CHM: variants seen among roughly 807,000 people sequenced by gnomAD.
CHM encodes CHM Rab escort protein.
Under a neutral mutation model 49.0 loss-of-function variants are expected in CHM, and 10 were observed. That is an observed-to-expected ratio of 0.20 (90% CI 0.13 to 0.35). The LOEUF (loss-of-function observed/expected upper bound fraction) is 0.35, where lower values mean the gene tolerates loss of function less well. CHM is among the 10% of genes least tolerant of loss of function. CHM has a pLI of 1.00. For synonymous variants in CHM, 184 were observed against 167.5 expected (o/e 1.10, Z -0.76); for missense variants, 455 against 478.4 (o/e 0.95, Z 0.46).
chrX:85,909,153 C>T (rs1299638363), intron 9 of CHM, among the ~76,000 whole-genome samples: 12 of 111,511 alleles, frequency 1.1e-4, no homozygotes, highest in Non-Finnish European at 1.7e-4. Context: ...GGCTACACAA[C>T]CTTTACTCAT....
intron 12 of CHM, among the ~76,000 whole-genome samples, chrX:85,893,553 G>T (rs1296814595): frequency 9.0e-6 from 1 of 111,514 alleles, no homozygotes; most frequent in Non-Finnish European, 1.9e-5. Context: ...ACCTCAAGTA[G>T]ACCCACAATG....
chrX:85,864,701 T>C lies in CHM; in HGVS notation c.1891A>G (p.Ile631Val), dbSNP rs747076012. ...LQPEASESSA[I>V]PEANSETFKE... The stretch of plus-strand genomic sequence containing the variant: ...AAAGTCTCCGAGTTAGCCTCTGGTA[T>C]GGCACTGGATTCTGAAGCCTCTGGC... The change falls in exon 15 of 15, where the codon ATA becomes GTA. Residue 631 changes from isoleucine (I) to valine (V), a missense_variant. Ile to Val is a conservative substitution (Grantham distance 29). Coordinates refer to ENST00000357749, the MANE Select transcript of CHM (RefSeq NM_000390.4). 3.3e-6 allele frequency: 4 copies of C among 1,209,708 alleles called. No individual in the cohort carries two copies. The highest frequency in any genetic ancestry group is 1.8e-5 in the South Asian group (1 of 56,620).
intron 4 of CHM, among the ~76,000 whole-genome samples, chrX:85,973,224 G>A (rs1197907728): frequency 4.1e-5 from 4 of 97,563 alleles, no homozygotes; most frequent in Non-Finnish European, 6.1e-5. Context: ...ACCTGAACCC[G>A]GGAGGCAGAG....
chrX:85,913,540 C>T (rs1927256825), intron 8 of CHM, among the ~76,000 whole-genome samples: 1 of 109,275 alleles, frequency 9.2e-6, no homozygotes, highest in Non-Finnish European at 1.9e-5. Flanking sequence ...ATGCAGGCAG[C>T]TTCTATATGC....
intron 8 of CHM, among the ~76,000 whole-genome samples, chrX:85,932,751 T>C (rs1033522090): frequency 1.3e-4 from 14 of 111,662 alleles, no homozygotes; most frequent in African/African-American, 4.2e-4. Flanking sequence ...CTGTATATTC[T>C]AGGAAAGAAG....
intron 2 of CHM, among the ~76,000 whole-genome samples, chrX:85,983,799 A>T (rs1179186505): frequency 8.9e-6 from 1 of 111,965 alleles, no homozygotes. Flanking sequence ...AAAGCAATTA[A>T]AACTATTGAT....
At chrX:85,876,701 A>G (rs1924436745) in intron 13 of CHM, among the ~76,000 whole-genome samples, 1 of 111,786 alleles carries the variant, frequency 8.9e-6, no homozygotes. Context: ...CTAGCTTTTC[A>G]GTGCCTCAGT....
chrX:86,031,785 A>T (rs534965885), intron 1 of CHM, among the ~76,000 whole-genome samples: 1 of 112,092 alleles, frequency 8.9e-6, no homozygotes, highest in South Asian at 3.7e-4. Flanking sequence ...GGTTGCGGTG[A>T]GCCAAGATCG....
At position 85,864,309 on chromosome X, in the gene CHM, T is replaced by C; in HGVS notation, c.*321A>G. ...AGATCCAAAGTGGTAAGCAAAATTG[T>C]CCTAAGACCATGGAATTATTAACAA... On this transcript the variant is annotated 3_prime_UTR_variant, in exon 15 of 15. Transcript: ENST00000357749. 4.0e-6 allele frequency: 1 copy of C among 248,005 alleles called. No homozygotes were observed. Among genetic ancestry groups the C allele is most frequent in the Non-Finnish European group, 7.3e-6 (1 of 137,210 alleles). 20.4% of individuals were successfully genotyped at this position (248,005 alleles called of 1,213,427 possible).
At chrX:85,899,232 T>G (rs1159363178) in intron 11 of CHM, among the ~76,000 whole-genome samples, 3 of 111,090 alleles carry the variant, frequency 2.7e-5, no homozygotes, top group Non-Finnish European at 5.7e-5. Flanking sequence ...AGAGGCATAA[T>G]GACATTCCTC....
chrX:85,886,696 T>C (rs1007739158), intron 12 of CHM, among the ~76,000 whole-genome samples: 1 of 110,791 alleles, frequency 9.0e-6, no homozygotes. Context: ...CTTGCAACTA[T>C]TTGTGACGTC....
intron 12 of CHM, among the ~76,000 whole-genome samples, chrX:85,893,771 G>C (rs926926638): frequency 9.0e-6 from 1 of 111,222 alleles, no homozygotes; most frequent in Non-Finnish European, 1.9e-5. Context: ...GGACTTTCCA[G>C]CCTCTAGAAT....
chrX:85,978,853 T>C lies in CHM; in HGVS notation c.228A>G (p.Gln76=). The change falls in exon 4 of 15, where the codon CAA becomes CAG. Residue 76 remains glutamine, a synonymous_variant. Transcript: ENST00000357749. The stretch of plus-strand genomic sequence containing the variant: ...CTTCTTCATTTTCAAGGATCTGGTC[T>C]TGCCACACTGGACTGTCACTTACAA... ...SDIVSDSPVW[Q]DQILENEEAI... 8.3e-7 allele frequency: 1 copy of C among 1,207,679 alleles called. No individual in the cohort carries two copies. Among genetic ancestry groups the C allele is most frequent in the Non-Finnish European group, 1.1e-6 (1 of 892,183 alleles).
chrX:85,893,818 C>T (rs1479488925), intron 12 of CHM, among the ~76,000 whole-genome samples: 7 of 110,908 alleles, frequency 6.3e-5, no homozygotes, highest in Non-Finnish European at 1.3e-4. Flanking sequence ...TTATAAGTTA[C>T]CCAGTCTAAG....
At chrX:85,931,787 G>A (rs1441939942) in intron 8 of CHM, among the ~76,000 whole-genome samples, 1 of 111,833 alleles carries the variant, frequency 8.9e-6, no homozygotes, top group Non-Finnish European at 1.9e-5. Context: ...AGTCACATGT[G>A]AAAACGCATC....
intron 2 of CHM, among the ~76,000 whole-genome samples, chrX:86,019,053 T>C (rs994274062): frequency 1.4e-4 from 16 of 111,675 alleles, no homozygotes; most frequent in Admixed American, 6.7e-4. Flanking sequence ...AAGGTAACAG[T>C]AGCTGCTTCT....
rs756475175 is a variant in CHM at position 85,900,420 on chromosome X, G to A, written c.1413+226C>T. On this transcript the variant is annotated intron_variant, in intron 11 of 14. Coordinates refer to ENST00000357749, the MANE Select transcript of CHM (RefSeq NM_000390.4). Reference sequence around the variant, plus strand: ...ACTTTCAGTTACACAAAAAGAATAAGTTTTAGAGATCTAATGTACAGTACA... The same window carrying A: ...ACTTTCAGTTACACAAAAAGAATAAATTTTAGAGATCTAATGTACAGTACA... 3.6e-5 allele frequency among the ~76,000 whole-genome samples: 4 copies of A among 111,273 alleles called. No individual in the cohort carries two copies. The South Asian group carries it at 1.5e-3, about 42-fold the overall frequency.
chrX:86,044,310 T>C (rs995223026), intron 1 of CHM, among the ~76,000 whole-genome samples: 1 of 112,282 alleles, frequency 8.9e-6, no homozygotes, highest in Admixed American at 9.4e-5. Flanking sequence ...CCCTTTCCTA[T>C]ACAAACTGTC....
chrX:86,027,207 G>T, intron 2 of CHM: 1 of 314,067 alleles, frequency 3.2e-6, no homozygotes, highest in Non-Finnish European at 5.7e-6. Context: ...AAGCCTCTTG[G>T]AGAATTACTT....
Sources: allele counts gnomAD v4.1 joint callset (sites outside exome capture counted in the v4.1 genomes callset), GRCh38; gene constraint gnomAD v4.1.1; transcripts MANE v1.5; gene names NCBI Gene and HGNC (gene_info 2026-07-23, HGNC 2026-07-21).